SYN2: variants seen among roughly 807,000 people sequenced by gnomAD.
SYN2 encodes synapsin-2.
In SYN2, 19 loss-of-function variants were observed where a neutral mutation model predicts 50.9. That is an observed-to-expected ratio of 0.37 (90% CI 0.26 to 0.55). The LOEUF is 0.55. Ranked by LOEUF, SYN2 falls within the 20% of genes least tolerant of loss-of-function variation. The pLI is 0.81. For missense variants in SYN2, 587 were observed against 576.4 expected (o/e 1.02, Z -0.19); for synonymous variants, 255 against 224.9 (o/e 1.13, Z -1.20).
At chr3:12,018,032 C>T (rs993814182) in intron 1 of SYN2, among the ~76,000 whole-genome samples, 19 of 152,120 alleles carry the variant, frequency 1.2e-4, no homozygotes, top group African/African-American at 4.6e-4. Context: ...TGGTGCAGTA[C>T]TAATACTATT....
rs117082374 is a variant in SYN2 at position 12,150,945 on chromosome 3, T to C, written c.685-292T>C. 8.7e-4 allele frequency among the ~76,000 whole-genome samples: 133 copies of C among 152,308 alleles called. 1 individual carries two copies. In the East Asian group the frequency reaches 0.024, roughly 28 times the overall value. On this transcript the variant is annotated intron_variant, in intron 4 of 12. Coordinates refer to ENST00000621198, the MANE Select transcript of SYN2 (RefSeq NM_133625.6). Reference sequence around the variant, plus strand: ...GACTATAGGCAAGTTTTGTATCCTCTCTGGGCCCCATATGTAAAATGAATA... The same window carrying C: ...GACTATAGGCAAGTTTTGTATCCTCCCTGGGCCCCATATGTAAAATGAATA...
At chr3:12,012,458 A>G (rs775112277) in intron 1 of SYN2, among the ~76,000 whole-genome samples, 2 of 152,228 alleles carry the variant, frequency 1.3e-5, no homozygotes, top group African/African-American at 4.8e-5. Context: ...GATCTTAGAA[A>G]GTTAGCTTCT....
At chr3:12,071,377 A>G (rs1277897857) in intron 1 of SYN2, 3 of 557,674 alleles carry the variant, frequency 5.4e-6, no homozygotes, top group Non-Finnish European at 1.1e-5. Context: ...GACCGTAAGC[A>G]GATGTGTAGC....
intron 1 of SYN2, among the ~76,000 whole-genome samples, chr3:12,056,012 C>T (rs1215861456): frequency 6.6e-5 from 10 of 152,282 alleles, no homozygotes; most frequent in African/African-American, 2.4e-4. Context: ...GACGATCTTC[C>T]TGGTGAGAGT....
chr3:12,108,596 G>A (rs766567585), intron 1 of SYN2, among the ~76,000 whole-genome samples: 22 of 152,042 alleles, frequency 1.4e-4, no homozygotes, highest in Non-Finnish European at 2.1e-4. Context: ...TCCACCTCCG[G>A]TTCCATTCTT....
intron 7 of SYN2, among the ~76,000 whole-genome samples, chr3:12,164,070 A>G (rs551508797): frequency 3.5e-4 from 53 of 152,338 alleles, no homozygotes; most frequent in African/African-American, 1.2e-3. Context: ...GTCTCAAAAA[A>G]AGAAAAGAAA....
chr3:12,020,385 C>G (rs1031608715), intron 1 of SYN2, among the ~76,000 whole-genome samples: 2 of 150,442 alleles, frequency 1.3e-5, no homozygotes, highest in African/African-American at 4.9e-5. Context: ...TCTGTCCCCC[C>G]AGTTGATTCC....
In SYN2 at chr3:12,151,310, C is replaced by G. The variant is rs990366045; in HGVS notation, c.758C>G (p.Pro253Arg). Residue 253 changes from proline (P) to arginine (R), a missense_variant, in exon 5 of 13, where the codon CCC becomes CGC. Coordinates refer to ENST00000621198, the MANE Select transcript of SYN2 (RefSeq NM_133625.6). ...CCTCTCATTGAACAGACATACTACCCCAACCACAAAGAGATGGTAAGTGGC... is the reference window on the plus strand; with the variant it reads ...CCTCTCATTGAACAGACATACTACCGCAACCACAAAGAGATGGTAAGTGGC... ...KFPLIEQTYY[P>R]NHKEMLTLPT... 2 of 1,613,052 alleles carry G rather than the reference C, an allele frequency of 1.2e-6. No individual in the cohort carries two copies. The highest frequency in any genetic ancestry group is 2.2e-5 in the East Asian group (1 of 44,892).
intron 1 of SYN2, among the ~76,000 whole-genome samples, chr3:12,015,008 C>T (rs1408681861): frequency 6.6e-6 from 1 of 152,214 alleles, no homozygotes; most frequent in African/African-American, 2.4e-5. Context: ...CATGATCTGA[C>T]TGCTTACTTC....
Position 12,062,602 on chromosome 3 carries a change from G to A in SYN2, c.377+57674G>A, listed in dbSNP as rs936799764. ...CTGGGAGAAAATATTTGCAAAATAT[G>A]TACCTAATAAAGGAATTGTATCCAA... On this transcript the variant is annotated intron_variant, in intron 1 of 12. Coordinates refer to ENST00000621198, the MANE Select transcript of SYN2 (RefSeq NM_133625.6). 2.0e-5 allele frequency among the ~76,000 whole-genome samples: 3 copies of A among 151,924 alleles called. No homozygotes were observed. In the South Asian group the frequency reaches 6.2e-4, roughly 31 times the overall value.
chr3:12,144,201 AGG>A (rs1253320468), intron 3 of SYN2, among the ~76,000 whole-genome samples: 1 of 152,220 alleles, frequency 6.6e-6, no homozygotes, highest in Non-Finnish European at 1.5e-5. Context: ...TGCTGGCTAG[AGG>A]GGAAACGCAG....
At chr3:12,147,956 C>T (rs931900960) in intron 4 of SYN2, among the ~76,000 whole-genome samples, 3 of 151,406 alleles carry the variant, frequency 2.0e-5, no homozygotes, top group African/African-American at 7.3e-5. Context: ...ACTAAAAATA[C>T]AAAAAAAATT....
chr3:12,179,207 CTCCTTGCCAAGCTCCTGAAAG>C (rs970296633), intron 10 of SYN2, among the ~76,000 whole-genome samples: 1 of 151,954 alleles, frequency 6.6e-6, no homozygotes, highest in Non-Finnish European at 1.5e-5. Context: ...GCGGCACACT[CTCCTTGCCAAGCTCCTGAAAG>C]CCTATACCTG....
intron 1 of SYN2, among the ~76,000 whole-genome samples, chr3:12,062,400 C>G (rs77594417): frequency 0.048 from 7,258 of 151,922 alleles, 246 homozygotes; most frequent in East Asian, 0.14. Flanking sequence ...TAGAAATCTT[C>G]TGGAAGAAAA....
intron 7 of SYN2, among the ~76,000 whole-genome samples, chr3:12,164,984 C>CTTTTTTTTTTTTTTTTTTTTTT: frequency 1.1e-5 from 1 of 92,344 alleles, no homozygotes; most frequent in Non-Finnish European, 2.2e-5. Flanking sequence ...TTTTTCTTTT[C>CTTTTTTTTTTTTTTTTTTTTTT]TTTTTTTTTT....
At chr3:12,145,966 GA>G in intron 4 of SYN2, 131 bp downstream of exon 4, 1 of 1,303,800 alleles carries the variant, frequency 7.7e-7, no homozygotes, top group Non-Finnish European at 1.1e-6. Flanking sequence ...AGGCCCCTAG[GA>G]GGGTCCTCAA....
At chr3:12,103,858 G>A (rs1341609526) in intron 1 of SYN2, among the ~76,000 whole-genome samples, 2 of 152,138 alleles carry the variant, frequency 1.3e-5, no homozygotes, top group African/African-American at 4.8e-5. Context: ...AAGCACAGTC[G>A]AGTTCAGGCA....
rs748256330 is a variant in SYN2 at position 12,140,634 on chromosome 3, TTTA to T, written c.378-14_378-12del. The T allele has an allele frequency of 1.3e-5, 10 of 748,868 alleles. No homozygotes were observed. The South Asian group carries it at 1.4e-4, about 11-fold the overall frequency. The allele number at this position is 748,868 out of a possible 1,614,324, so 46.4% of individuals were successfully genotyped here. ...CTTGCACAAAACTAATTTGTGTGGG[TTTA>T]TTCTTTTCTCCAGGGCCAAGTGCTT... On this transcript the variant is annotated splice_polypyrimidine_tract_variant and intron_variant, in intron 1 of 12. Coordinates refer to ENST00000621198, the MANE Select transcript of SYN2 (RefSeq NM_133625.6).
At chr3:12,089,426 C>T (rs569388899) in intron 1 of SYN2, among the ~76,000 whole-genome samples, 1 of 152,304 alleles carries the variant, frequency 6.6e-6, no homozygotes, top group Admixed American at 6.5e-5. Context: ...TCCCAGGACA[C>T]ATGGGAATTA....
Sources: allele counts gnomAD v4.1 joint callset (sites outside exome capture counted in the v4.1 genomes callset), GRCh38; gene constraint gnomAD v4.1.1; transcripts MANE v1.5; gene names NCBI Gene and HGNC (gene_info 2026-07-23, HGNC 2026-07-21).